Variants in GPC3 observed in about 807,000 individuals in gnomAD.
GPC3 encodes glypican-3.
In GPC3, 3 loss-of-function variants were observed where a neutral mutation model predicts 34.4. The observed-to-expected ratio is 0.09, with a 90% CI of 0.04 to 0.23. The LOEUF is 0.23. GPC3 is among the 10% of genes least tolerant of loss of function. The pLI is 1.00. For missense variants in GPC3, 351 were observed against 445.6 expected (o/e 0.79, Z 1.91); for synonymous variants, 177 against 174.0 (o/e 1.02, Z -0.13).
chrX:133,656,404 G>A (rs1289847592), intron 6 of GPC3, among the ~76,000 whole-genome samples: 3 of 111,980 alleles, frequency 2.7e-5, no homozygotes, highest in Non-Finnish European at 5.6e-5. Context: ...CTGGATTCTA[G>A]GTCTAGCTCT....
At chrX:133,716,454 T>C (rs1251864602) in intron 3 of GPC3, among the ~76,000 whole-genome samples, 1 of 111,943 alleles carries the variant, frequency 8.9e-6, no homozygotes, top group South Asian at 3.7e-4. Flanking sequence ...GATGCCTTGA[T>C]AGGCAAAAAG....
At chrX:133,692,582 G>C (rs1432081685) in intron 4 of GPC3, 88 bp from the exon 5 acceptor site, 3 of 785,145 alleles carry the variant, frequency 3.8e-6, no homozygotes, top group East Asian at 6.7e-5. Context: ...TGACAGAAAG[G>C]CTCTGCCAGG....
At chrX:133,770,897 CT>C (rs1461986458) in intron 2 of GPC3, among the ~76,000 whole-genome samples, 1 of 111,691 alleles carries the variant, frequency 9.0e-6, no homozygotes, top group Non-Finnish European at 1.9e-5. Context: ...CAATAAGTTT[CT>C]TTCCTCGTAA....
chrX:133,953,983 C>T lies in GPC3; in HGVS notation c.176-772G>A, dbSNP rs964372687. Among the ~76,000 whole-genome samples, 3 of 112,089 alleles carry T rather than the reference C, an allele frequency of 2.7e-5. No individual in the cohort carries two copies. In the East Asian group the frequency reaches 8.4e-4, roughly 31 times the overall value. On this transcript the variant is annotated intron_variant, in intron 1 of 7. Coordinates refer to ENST00000370818, the MANE Select transcript of GPC3 (RefSeq NM_004484.4). ...TCTATAAAATGGAATTCTATTTAGC[C>T]ATAAAAAGGAATGAACCATTAATGC...
chrX:133,919,636 A>G (rs1026075544), intron 2 of GPC3, among the ~76,000 whole-genome samples: 1 of 110,097 alleles, frequency 9.1e-6, no homozygotes, highest in African/African-American at 3.3e-5. Flanking sequence ...AGCCTGGGTA[A>G]CACAGGGAGA....
chrX:133,680,939 C>T (rs1156489871), intron 5 of GPC3, among the ~76,000 whole-genome samples: 1 of 111,424 alleles, frequency 9.0e-6, no homozygotes, highest in Non-Finnish European at 1.9e-5. Context: ...TTGAACCAAC[C>T]ATGACCAAGG....
At chrX:133,938,369 A>G (rs975768823) in intron 2 of GPC3, among the ~76,000 whole-genome samples, 1 of 111,638 alleles carries the variant, frequency 9.0e-6, no homozygotes, top group African/African-American at 3.2e-5. Flanking sequence ...CTTAAACACT[A>G]CACTGCCTTT....
intron 4 of GPC3, among the ~76,000 whole-genome samples, chrX:133,692,929 C>G (rs188780913): frequency 2.2e-3 from 248 of 111,217 alleles, no homozygotes; most frequent in African/African-American, 7.2e-3. Flanking sequence ...CATATAGGCT[C>G]TGGCTAATGG....
At chrX:133,627,626 G>A (rs2070319397) in intron 6 of GPC3, among the ~76,000 whole-genome samples, 2 of 112,365 alleles carry the variant, frequency 1.8e-5, no homozygotes, top group South Asian at 3.7e-4. Flanking sequence ...TATCTGATAA[G>A]TACAAATTCA....
chrX:133,705,744 A>T (rs1275969537), intron 3 of GPC3, among the ~76,000 whole-genome samples: 1 of 112,395 alleles, frequency 8.9e-6, no homozygotes, highest in African/African-American at 3.2e-5. Flanking sequence ...AGTAATAATG[A>T]TGAAAAATTC....
intron 6 of GPC3, among the ~76,000 whole-genome samples, chrX:133,656,640 C>A (rs1001178200): frequency 2.7e-5 from 3 of 111,832 alleles, no homozygotes; most frequent in African/African-American, 9.7e-5. Context: ...AAACAGGTCA[C>A]CTATCTGGCC....
intron 2 of GPC3, among the ~76,000 whole-genome samples, chrX:133,828,258 G>A (rs2075759099): frequency 9.0e-6 from 1 of 111,090 alleles, no homozygotes; most frequent in Non-Finnish European, 1.9e-5. Context: ...CTGGCTTCAA[G>A]CCATTCTCCT....
chrX:133,716,960 T>C (rs2071319675), intron 3 of GPC3, among the ~76,000 whole-genome samples: 1 of 111,425 alleles, frequency 9.0e-6, no homozygotes, highest in Non-Finnish European at 1.9e-5. Context: ...GCTTTTTTTT[T>C]CTTGTTTTTT....
chrX:133,552,151 T>G (rs759647426), intron 7 of GPC3, among the ~76,000 whole-genome samples: 17 of 112,029 alleles, frequency 1.5e-4, no homozygotes, highest in Non-Finnish European at 2.4e-4. Flanking sequence ...GGACAGCCAT[T>G]AGGTAGAGAT....
At chrX:133,680,964 GT>G (rs1443333366) in intron 5 of GPC3, among the ~76,000 whole-genome samples, 1 of 111,620 alleles carries the variant, frequency 9.0e-6, no homozygotes, top group Non-Finnish European at 1.9e-5. Context: ...GGATTTTGAT[GT>G]TTTTGCAGAA....
rs748451493 is a variant in GPC3, at chrX:133,979,012, T to A, written c.175+6263A>T. Among the ~76,000 whole-genome samples the A allele has an allele frequency of 5.3e-5, 6 of 112,638 alleles. No homozygotes were observed. The East Asian group carries it at 1.7e-3, about 31-fold the overall frequency. ...ATAAATATATGCTTCACTGTGGAAATTTTGAAAAATACAGAATATTTTCAA... is the reference window on the plus strand; with the variant it reads ...ATAAATATATGCTTCACTGTGGAAAATTTGAAAAATACAGAATATTTTCAA... On this transcript the variant is annotated intron_variant, in intron 1 of 7. Transcript: ENST00000370818.
chrX:133,867,142 G>A lies in GPC3; in HGVS notation c.337+85908C>T, dbSNP rs778033757. Among the ~76,000 whole-genome samples the A allele has an allele frequency of 6.4e-5, 7 of 109,904 alleles. No individual in the cohort carries two copies. The East Asian group carries it at 2.0e-3, about 32-fold the overall frequency. On this transcript the variant is annotated intron_variant, in intron 2 of 7. Transcript: ENST00000370818. ...GAACCCAGGTGGCGAAGGTTGCAGT[G>A]AGCCGAGATCATGCCACTGCACTCC...
At chrX:133,952,910 G>C in intron 2 of GPC3, 140 bp downstream of exon 2, 1 of 578,529 alleles carries the variant, frequency 1.7e-6, no homozygotes, top group Non-Finnish European at 2.9e-6. Context: ...TTTTAAACCA[G>C]AATTTCTCAC....
chrX:133,903,351 C>T (rs1413145489), intron 2 of GPC3, among the ~76,000 whole-genome samples: 2 of 111,184 alleles, frequency 1.8e-5, no homozygotes, highest in Non-Finnish European at 3.8e-5. Flanking sequence ...TTTGGGAGGC[C>T]AAGGTGCCTG....
Sources: gnomAD v4.1 joint callset for allele counts (sites outside exome capture counted in the v4.1 genomes callset) on GRCh38, gnomAD v4.1.1 for gene constraint, MANE v1.5 for transcripts, NCBI Gene and HGNC (gene_info 2026-07-23, HGNC 2026-07-21) for gene names.